VEPH1: variants seen among roughly 807,000 people sequenced by gnomAD.
The protein encoded by VEPH1 is ventricular zone expressed PH domain containing 1.
A neutral mutation model predicts 85.2 loss-of-function variants in VEPH1; 80 were observed. The ratio of observed to expected loss-of-function variants is 0.94; its 90% CI spans 0.78 to 1.13. VEPH1 has a LOEUF of 1.13. VEPH1 is among the 50% of genes most tolerant of loss of function. The pLI is 0.00. For missense variants in VEPH1, 955 were observed against 980.5 expected, an observed-to-expected ratio of 0.97 and a Z score of 0.35; for synonymous variants, 297 against 348.0, an observed-to-expected ratio of 0.85 and a Z score of 1.63.
chr3:157,339,752 T>C (rs1875315), intron 9 of VEPH1, among the ~76,000 whole-genome samples: 33,443 of 152,086 alleles, frequency 0.22, 4,526 homozygotes, highest in Admixed American at 0.42. Context: ...GTAGAATTTA[T>C]ATTGAAAAAG....
chr3:157,460,011 G>T (rs769566497), intron 4 of VEPH1, 170 bp downstream of exon 4: 81 of 1,548,028 alleles, frequency 5.2e-5, no homozygotes, highest in Non-Finnish European at 4.3e-5. Flanking sequence ...GACACAGACA[G>T]CCAGATTAAG....
chr3:157,453,034 G>A lies in VEPH1; in HGVS notation c.529+7147C>T, dbSNP rs76507617. The stretch of plus-strand genomic sequence containing the variant: ...ATCCCCTGGAAATAATGATGGATTG[G>A]TTCAGAAATGTTCATGTGGCCTGTG... On this transcript the variant is annotated intron_variant, in intron 4 of 13. Transcript: ENST00000362010. 7.5e-3 allele frequency among the ~76,000 whole-genome samples: 1,143 copies of A among 152,250 alleles called. 21 individuals carry two copies. Among genetic ancestry groups the A allele is most frequent in the East Asian group, 0.067 (347 of 5,178 alleles).
At chr3:157,462,570 G>A (rs1318318519) in intron 3 of VEPH1, among the ~76,000 whole-genome samples, 6 of 152,170 alleles carry the variant, frequency 3.9e-5, no homozygotes, top group Non-Finnish European at 7.3e-5. Flanking sequence ...GATATGTAAG[G>A]CACTCAAATG....
At chr3:157,499,978 T>TAAA (rs1739972250) in intron 1 of VEPH1, among the ~76,000 whole-genome samples, 1 of 152,232 alleles carries the variant, frequency 6.6e-6, no homozygotes, top group African/African-American at 2.4e-5. Flanking sequence ...CCCTTTACTC[T>TAAA]GCCTCTAGAG....
At chr3:157,435,363 T>G (rs1301406270) in intron 4 of VEPH1, among the ~76,000 whole-genome samples, 1 of 152,226 alleles carries the variant, frequency 6.6e-6, no homozygotes, top group African/African-American at 2.4e-5. Flanking sequence ...CAGTGGCAGA[T>G]AGTATATATT....
At chr3:157,286,827 CAACCTT>C (rs1216611995) in intron 11 of VEPH1, among the ~76,000 whole-genome samples, 153 bp from the exon 12 acceptor site, 1 of 152,068 alleles carries the variant, frequency 6.6e-6, no homozygotes, top group Admixed American at 6.5e-5. Context: ...TTCTCTTGGC[CAACCTT>C]AAAAAAAGCA....
intron 5 of VEPH1, among the ~76,000 whole-genome samples, chr3:157,424,494 A>G (rs1732606153): frequency 6.6e-6 from 1 of 152,296 alleles, no homozygotes; most frequent in Non-Finnish European, 1.5e-5. Flanking sequence ...AAAACAGGAA[A>G]ATGTGGGAAA....
intron 5 of VEPH1, among the ~76,000 whole-genome samples, chr3:157,421,553 C>A (rs1228689750): frequency 1.3e-5 from 2 of 152,194 alleles, no homozygotes; most frequent in East Asian, 3.8e-4. Flanking sequence ...TGGTTGTCGC[C>A]ACTTATTTCC....
At chr3:157,342,283 C>T (rs886519086) in intron 9 of VEPH1, among the ~76,000 whole-genome samples, 3 of 152,094 alleles carry the variant, frequency 2.0e-5, no homozygotes, top group East Asian at 3.9e-4. Context: ...GGAAGCACAT[C>T]TCATGTGCAG....
chr3:157,269,592 C>T (rs972595962), intron 12 of VEPH1, among the ~76,000 whole-genome samples: 10 of 149,814 alleles, frequency 6.7e-5, no homozygotes, highest in East Asian at 3.9e-4. Flanking sequence ...TTTTATATCC[C>T]GTATCTTAAA....
intron 4 of VEPH1, among the ~76,000 whole-genome samples, chr3:157,458,814 G>T (rs944021475): frequency 2.0e-5 from 3 of 152,106 alleles, no homozygotes; most frequent in African/African-American, 7.2e-5. Context: ...GGTGATAGTT[G>T]TCCAGTTTTA....
chr3:157,451,807 G>A (rs928639427), intron 4 of VEPH1, among the ~76,000 whole-genome samples: 7 of 152,150 alleles, frequency 4.6e-5, no homozygotes, highest in African/African-American at 1.7e-4. Context: ...GAGTGGCTCT[G>A]CTCATAAAAT....
At chr3:157,297,169 AAT>A (rs1224325600) in intron 11 of VEPH1, among the ~76,000 whole-genome samples, 1 of 152,180 alleles carries the variant, frequency 6.6e-6, no homozygotes, top group Non-Finnish European at 1.5e-5. Flanking sequence ...ATGTGTGTAA[AAT>A]ATAGTGTTTT....
intron 6 of VEPH1, among the ~76,000 whole-genome samples, chr3:157,388,341 T>C (rs77818119): frequency 0.012 from 1,852 of 151,994 alleles, 27 homozygotes; most frequent in Non-Finnish European, 0.015. Context: ...AGACCAAGAG[T>C]TGAAGGGTTT....
At chr3:157,283,263 A>G (rs1577233230) in intron 12 of VEPH1, among the ~76,000 whole-genome samples, 1 of 152,214 alleles carries the variant, frequency 6.6e-6, no homozygotes, top group Non-Finnish European at 1.5e-5. Flanking sequence ...TCTGGATTAA[A>G]ATACTGGTTC....
intron 4 of VEPH1, chr3:157,437,843 A>G: frequency 6.7e-7 from 1 of 1,496,274 alleles, no homozygotes; most frequent in Non-Finnish European, 8.8e-7. Flanking sequence ...GCGGTGCTAG[A>G]GGAGCTGCGG....
intron 6 of VEPH1, chr3:157,409,738 A>T (rs1053140334): frequency 2.8e-5 from 28 of 985,308 alleles, no homozygotes; most frequent in Non-Finnish European, 3.3e-5. Context: ...CCCAGTAGCC[A>T]GCCCTGCAGT....
At chr3:157,305,071 C>CTATCTATCTAT (rs1559941201) in intron 11 of VEPH1, among the ~76,000 whole-genome samples, 1 of 37,580 alleles carries the variant, frequency 2.7e-5, no homozygotes, top group Non-Finnish European at 5.1e-5. Flanking sequence ...TATCTATCTT[C>CTATCTATCTAT]CTATCTCTCT....
intron 9 of VEPH1, among the ~76,000 whole-genome samples, chr3:157,319,960 T>G (rs1721186379): frequency 6.6e-6 from 1 of 152,216 alleles, no homozygotes; most frequent in Admixed American, 6.5e-5. Flanking sequence ...ACATCTGGTC[T>G]GTACCAATAT....
Sources: gnomAD v4.1 joint callset for allele counts (sites outside exome capture counted in the v4.1 genomes callset) on GRCh38, gnomAD v4.1.1 for gene constraint, MANE v1.5 for transcripts, NCBI Gene and HGNC (gene_info 2026-07-23, HGNC 2026-07-21) for gene names.